Variants in GRID1 observed in about 807,000 individuals in gnomAD.
GRID1 encodes the protein glutamate ionotropic receptor delta type subunit 1.
Under a neutral mutation model 98.0 loss-of-function variants are expected in GRID1, and 28 were observed. The observed-to-expected ratio is 0.29, with a 90% CI of 0.21 to 0.39. The LOEUF (loss-of-function observed/expected upper bound fraction) is 0.39, where lower values mean the gene tolerates loss of function less well. Among genes scored for constraint, GRID1 ranks in the 10% least tolerant of loss-of-function variants. The probability of loss-of-function intolerance (pLI) is 1.00; values close to 1 mark genes in which losing one functional copy is unlikely to be tolerated. For synonymous variants in GRID1, 553 were observed against 538.5 expected, an observed-to-expected ratio of 1.03 and a Z score of -0.37; for missense variants, 1,111 against 1,340.5, an observed-to-expected ratio of 0.83 and a Z score of 2.67.
intron 8 of GRID1, among the ~76,000 whole-genome samples, chr10:85,751,679 T>C (rs1372420454): frequency 1.3e-5 from 2 of 152,164 alleles, no homozygotes; most frequent in South Asian, 2.1e-4. Flanking sequence ...TACAACCATA[T>C]ACACATTTAA....
At chr10:86,065,175 G>A (rs935981609) in intron 4 of GRID1, among the ~76,000 whole-genome samples, 1 of 152,220 alleles carries the variant, frequency 6.6e-6, no homozygotes, top group Admixed American at 6.5e-5. Context: ...CTCTGGCACA[G>A]TGGTTCTCCA....
At chr10:85,988,231 T>A (rs1366624004) in intron 4 of GRID1, among the ~76,000 whole-genome samples, 1 of 152,166 alleles carries the variant, frequency 6.6e-6, no homozygotes, top group Non-Finnish European at 1.5e-5. Context: ...GTTGCAGGTG[T>A]CACCCTGAGA....
intron 8 of GRID1, among the ~76,000 whole-genome samples, chr10:85,734,412 A>C (rs1186895864): frequency 1.3e-5 from 2 of 152,206 alleles, no homozygotes; most frequent in African/African-American, 2.4e-5. Context: ...AATTTCATGA[A>C]GGAAAAAAAA....
intron 2 of GRID1, among the ~76,000 whole-genome samples, chr10:86,230,880 C>T (rs1420800831): frequency 6.6e-6 from 1 of 152,192 alleles, no homozygotes; most frequent in Non-Finnish European, 1.5e-5. Context: ...GATGGGCTCC[C>T]TCCATGGATG....
chr10:85,835,659 G>C (rs1391948300), intron 8 of GRID1, among the ~76,000 whole-genome samples: 1 of 152,146 alleles, frequency 6.6e-6, no homozygotes, highest in African/African-American at 2.4e-5. Context: ...TGTGAGAACA[G>C]ACTAATACAA....
Position 85,729,596 on chromosome 10 carries a change from C to T in GRID1, c.1252G>A (p.Glu418Lys). The T allele has an allele frequency of 6.2e-7, 1 of 1,612,104 alleles. No homozygotes were observed. The stretch of plus-strand genomic sequence containing the variant: ...TGCAAGCTGCCATTCAAGCCCTTCT[C>T]TGAGTCCCATGTCGCCAACTGTGAA... ...DMRKLATWDS[E>K]KGLNGSLQER... Residue 418 changes from glutamate to lysine, a missense_variant, in exon 9 of 16, where the codon GAG becomes AAG. This residue lies in a region of GRID1 where 762 missense variants were observed against 869.1 expected (regional missense o/e 0.88). Coordinates refer to ENST00000327946, the MANE Select transcript of GRID1 (RefSeq NM_017551.3).
chr10:85,826,286 G>T (rs1268974093), intron 8 of GRID1, among the ~76,000 whole-genome samples: 1 of 152,224 alleles, frequency 6.6e-6, no homozygotes, highest in African/African-American at 2.4e-5. Context: ...GGTGAGCCGA[G>T]ATCGCGCCAC....
chr10:86,161,462 C>T (rs374675531), intron 3 of GRID1, among the ~76,000 whole-genome samples: 1 of 152,098 alleles, frequency 6.6e-6, no homozygotes, highest in Non-Finnish European at 1.5e-5. Flanking sequence ...TGTGCTACCC[C>T]CACCGAGCGC....
intron 5 of GRID1, among the ~76,000 whole-genome samples, chr10:85,898,924 C>T (rs917268354): frequency 7.2e-5 from 11 of 152,154 alleles, no homozygotes; most frequent in Non-Finnish European, 1.5e-4. Flanking sequence ...ATGGACTGCA[C>T]CTAATTGTAT....
At chr10:86,245,438 G>A (rs904351958) in intron 2 of GRID1, among the ~76,000 whole-genome samples, 8 of 151,158 alleles carry the variant, frequency 5.3e-5, no homozygotes, top group African/African-American at 1.5e-4. Flanking sequence ...TCTACCATTC[G>A]CTTTACTCCA....
intron 2 of GRID1, among the ~76,000 whole-genome samples, chr10:86,222,387 G>C (rs894706383): frequency 6.6e-6 from 1 of 152,196 alleles, no homozygotes; most frequent in African/African-American, 2.4e-5. Context: ...TGCCCTCAGA[G>C]CCTTGAGGGA....
rs2132698391 is a variant in GRID1, at chr10:85,761,208, G to A, written c.1234-31594C>T. Among the ~76,000 whole-genome samples, 4 of 152,266 alleles carry A rather than the reference G, an allele frequency of 2.6e-5. No homozygotes were observed. The South Asian group carries it at 8.3e-4, about 32-fold the overall frequency. On this transcript the variant is annotated intron_variant, in intron 8 of 15. Coordinates refer to ENST00000327946, the MANE Select transcript of GRID1 (RefSeq NM_017551.3). The stretch of plus-strand genomic sequence containing the variant: ...CCTCCAGTTTTACAATTCTCAATGA[G>A]CTCCAAAGAAGCTAACCAGTTAGCT...
chr10:86,234,218 TGGGAGGTTTCATCA>T (rs1172278282), intron 2 of GRID1, among the ~76,000 whole-genome samples: 1 of 152,134 alleles, frequency 6.6e-6, no homozygotes, highest in Non-Finnish European at 1.5e-5. Flanking sequence ...CAATTTAAAA[TGGGAGGTTTCATCA>T]GAGCCACCCT....
At chr10:86,091,810 A>T (rs1030846289) in intron 4 of GRID1, among the ~76,000 whole-genome samples, 1 of 151,994 alleles carries the variant, frequency 6.6e-6, no homozygotes, top group African/African-American at 2.4e-5. Flanking sequence ...ACATCACAGG[A>T]CTCTGTGCAG....
intron 2 of GRID1, among the ~76,000 whole-genome samples, chr10:86,351,601 T>A (rs1423953203): frequency 6.6e-6 from 1 of 152,184 alleles, no homozygotes; most frequent in East Asian, 1.9e-4. Flanking sequence ...GCCAGCTGCA[T>A]GAGCATTGGC....
chr10:85,747,899 A>G (rs888218570), intron 8 of GRID1, among the ~76,000 whole-genome samples: 1 of 152,224 alleles, frequency 6.6e-6, no homozygotes, highest in Non-Finnish European at 1.5e-5. Context: ...CAGTACCAGT[A>G]AGTCTTCTTT....
At chr10:85,695,557 C>T (rs749002165) in intron 12 of GRID1, among the ~76,000 whole-genome samples, 5 of 152,096 alleles carry the variant, frequency 3.3e-5, no homozygotes, top group African/African-American at 4.8e-5. Flanking sequence ...AAACTGCAGA[C>T]TGCATTTCAC....
chr10:85,765,573 ATTAT>A (rs1338175614), intron 8 of GRID1, among the ~76,000 whole-genome samples: 1 of 152,186 alleles, frequency 6.6e-6, no homozygotes, highest in Non-Finnish European at 1.5e-5. Context: ...CATGCAGAAA[ATTAT>A]TTATGATATT....
chr10:86,303,493 G>A (rs1317310722), intron 2 of GRID1, among the ~76,000 whole-genome samples: 2 of 152,190 alleles, frequency 1.3e-5, no homozygotes, highest in Non-Finnish European at 2.9e-5. Flanking sequence ...GGAAGAAGCA[G>A]GCAAGGGGAG....
Sources: gnomAD v4.1 joint callset for allele counts (sites outside exome capture counted in the v4.1 genomes callset) on GRCh38, gnomAD v4.1.1 for gene constraint, gnomAD v4.1.1 regional missense constraint, MANE v1.5 for transcripts, NCBI Gene and HGNC (gene_info 2026-07-23, HGNC 2026-07-21) for gene names.